The following MOK variants were observed in gnomAD, a reference collection of about 807,000 sequenced individuals.
The protein encoded by MOK is MAPK/MAK/MRK overlapping kinase.
Under a neutral mutation model 54.2 loss-of-function variants are expected in MOK, and 59 were observed. The ratio of observed to expected loss-of-function variants is 1.09; its 90% CI spans 0.88 to 1.35. The LOEUF is 1.35. Ranked by LOEUF, MOK falls within the 40% of genes most tolerant of loss-of-function variation. MOK has a pLI of 0.00. For missense variants in MOK, 517 were observed against 526.2 expected, an observed-to-expected ratio of 0.98 and a Z score of 0.17; for synonymous variants, 210 against 202.7, an observed-to-expected ratio of 1.04 and a Z score of -0.31.
downstream of MOK, chr14:102,224,479 A>T (rs1405276918): frequency 3.4e-5 from 14 of 411,654 alleles, no homozygotes; most frequent in Non-Finnish European, 5.8e-5. Context: ...TTATTTTTTT[A>T]AAAAATCATA....
the MOK span, among the ~76,000 whole-genome samples, chr14:102,215,343 A>G: frequency 2.0e-5 from 3 of 152,200 alleles, no homozygotes; most frequent in Non-Finnish European, 4.4e-5. Flanking sequence ...CTGGGCCACG[A>G]GCTGGCTTTT....
At chr14:102,216,930 CTT>C in the MOK span, among the ~76,000 whole-genome samples, 1 of 152,030 alleles carries the variant, frequency 6.6e-6, no homozygotes, top group Non-Finnish European at 1.5e-5. Flanking sequence ...GAGACTCTGT[CTT>C]AAAGAAAAAA....
chr14:102,282,827 G>A (rs749962812), intron 2 of MOK, among the ~76,000 whole-genome samples: 13 of 151,952 alleles, frequency 8.6e-5, no homozygotes, highest in Non-Finnish European at 1.8e-4. Flanking sequence ...CAAGGCGGGC[G>A]GATCACTTGA....
rs147822305 is a variant in MOK at position 102,274,552 on chromosome 14, C to T, written c.123-8640G>A. On this transcript the variant is annotated intron_variant, in intron 2 of 11. Coordinates refer to ENST00000361847, the MANE Select transcript of MOK (RefSeq NM_014226.3). ...GATTACAGGCGTGAGAAACTGTGCC[C>T]GGCTGGTTTTATTTTTTAATAGAAT... Among the ~76,000 whole-genome samples, 707 of 151,468 alleles carry T rather than the reference C, an allele frequency of 4.7e-3. 6 individuals are homozygous for T. Among genetic ancestry groups the T allele is most frequent in the African/African-American group, 0.016 (654 of 41,274 alleles).
At chr14:102,304,912 C>G in intron 1 of MOK, 50 bp downstream of exon 1, 1 of 1,498,788 alleles carries the variant, frequency 6.7e-7, no homozygotes, top group East Asian at 2.3e-5. Flanking sequence ...GTCCCTCCCT[C>G]CCCCGCCACT....
At position 102,231,862 on chromosome 14, in the gene MOK, G is replaced by C. The variant is rs1444172931; in HGVS notation, c.867-41C>G. On this transcript the variant is annotated intron_variant, in intron 9 of 11. Transcript: ENST00000361847. This position sits in a 1 kb window ranked among gnomAD's most constrained non-coding sequence, Gnocchi z 4.4. The stretch of plus-strand genomic sequence containing the variant: ...AGAGAATGGAGCAGCTCCACTGAGA[G>C]CCCGCAGAGCACACGGCCTACTGGC... 6.5e-7 allele frequency: 1 copy of C among 1,542,278 alleles called. No homozygotes were observed. The highest frequency in any genetic ancestry group is 1.4e-5 in the African/African-American group (1 of 73,614).
intron 2 of MOK, among the ~76,000 whole-genome samples, chr14:102,277,773 G>T (rs1392852821): frequency 5.9e-5 from 9 of 152,136 alleles, no homozygotes; most frequent in Non-Finnish European, 1.3e-4. Context: ...ACTTTCTAGG[G>T]TTATAGTAAT....
At chr14:102,244,838 T>C (rs973322702) in intron 7 of MOK, among the ~76,000 whole-genome samples, 1 of 152,180 alleles carries the variant, frequency 6.6e-6, no homozygotes, top group Non-Finnish European at 1.5e-5. Flanking sequence ...TCTCAGGCTC[T>C]TGGTATTCAG....
chr14:102,288,146 CAG>C (rs2070353026), intron 1 of MOK, among the ~76,000 whole-genome samples: 1 of 152,250 alleles, frequency 6.6e-6, no homozygotes, highest in Middle Eastern at 3.4e-3. Flanking sequence ...AGATGTTAAA[CAG>C]AGTTACCATA....
At chr14:102,304,046 G>A (rs2072517046) in intron 1 of MOK, among the ~76,000 whole-genome samples, 1 of 152,068 alleles carries the variant, frequency 6.6e-6, no homozygotes, top group African/African-American at 2.4e-5. Context: ...AATGAAAAAG[G>A]TAAACATTAA....
At chr14:102,254,876 G>C (rs527423041) in intron 4 of MOK, among the ~76,000 whole-genome samples, 12 of 152,226 alleles carry the variant, frequency 7.9e-5, no homozygotes, top group African/African-American at 2.6e-4. Flanking sequence ...CTATATTCAT[G>C]ATGTTCCATT....
At chr14:102,241,306 C>A (rs543669264) in intron 7 of MOK, among the ~76,000 whole-genome samples, 1 of 152,168 alleles carries the variant, frequency 6.6e-6, no homozygotes, top group Non-Finnish European at 1.5e-5. Flanking sequence ...GGTCTCAATT[C>A]TTCCTCAGCC....
Position 102,256,258 on chromosome 14 carries a change from G to A in MOK, c.284-4263C>T, listed in dbSNP as rs189570262. ...TCTACAGGCGTGTGCCACCACACCC[G>A]GATGCTTTTTTTTTTAATTTTTTGG... is the stretch of plus-strand genomic sequence containing the variant. On this transcript the variant is annotated intron_variant, in intron 4 of 11. Coordinates refer to ENST00000361847, the MANE Select transcript of MOK (RefSeq NM_014226.3). 9.2e-5 allele frequency among the ~76,000 whole-genome samples: 14 copies of A among 151,900 alleles called. No individual in the cohort carries two copies. In the East Asian group the frequency reaches 1.4e-3, roughly 15 times the overall value.
At chr14:102,299,940 C>A (rs1401956545) in intron 1 of MOK, among the ~76,000 whole-genome samples, 2 of 152,080 alleles carry the variant, frequency 1.3e-5, no homozygotes, top group Admixed American at 6.6e-5. Flanking sequence ...GAGACAGGAC[C>A]AGGCACAGTG....
chr14:102,218,672 G>T, the MOK span, among the ~76,000 whole-genome samples: 1 of 151,866 alleles, frequency 6.6e-6, no homozygotes, highest in Non-Finnish European at 1.5e-5. Context: ...TTGAACTGAA[G>T]TCTCTAGCGG....
rs764318571 is a variant in MOK at position 102,251,993 on chromosome 14, T to TCCC, written c.284-1_285dup (p.Gly95dup). ...TTTTTTTCTGATAATGGGTATCTTCTCCCTGTACAATCAAGGAAATAGGCA... is the reference window on the plus strand; with the variant it reads ...TTTTTTTCTGATAATGGGTATCTTCTCCCCCCTGTACAATCAAGGAAATAGGCA... On this transcript the variant is annotated inframe_insertion and splice_region_variant, in exon 5 of 12. Transcript: ENST00000361847. 1 of 1,567,082 alleles carries TCCC rather than the reference T, an allele frequency of 6.4e-7. No homozygotes were observed. The highest frequency in any genetic ancestry group is 1.4e-5 in the African/African-American group (1 of 73,730).
intron 2 of MOK, 142 bp downstream of exon 2, chr14:102,283,336 G>T: frequency 1.8e-6 from 1 of 568,358 alleles, no homozygotes; most frequent in South Asian, 2.7e-5. Flanking sequence ...CATAACATTA[G>T]CATATAACCC....
intron 8 of MOK, 174 bp downstream of exon 8, chr14:102,233,514 G>A: frequency 1.7e-6 from 1 of 594,720 alleles, no homozygotes; most frequent in Non-Finnish European, 3.0e-6. Context: ...ACCACTTAAA[G>A]TGATGGGCTC....
chr14:102,263,436 T>C, intron 4 of MOK, 110 bp downstream of exon 4: 3 of 746,266 alleles, frequency 4.0e-6, no homozygotes, highest in East Asian at 2.8e-5. Flanking sequence ...CTGTGTATTA[T>C]ATATAACTAC....
Sources: allele counts gnomAD v4.1 joint callset (sites outside exome capture counted in the v4.1 genomes callset), GRCh38; gene constraint gnomAD v4.1.1; non-coding constraint Gnocchi (gnomAD v3.1); transcripts MANE v1.5; gene names NCBI Gene and HGNC (gene_info 2026-07-23, HGNC 2026-07-21).